FSTL4: variants seen among roughly 807,000 people sequenced by gnomAD.
FSTL4 encodes the protein follistatin-related protein 4.
Under a neutral mutation model 78.2 loss-of-function variants are expected in FSTL4, and 28 were observed. The observed-to-expected ratio is 0.36, with a 90% confidence interval of 0.27 to 0.49. The LOEUF is 0.49. Among genes scored for constraint, FSTL4 ranks in the 20% least tolerant of loss-of-function variants. The pLI, the probability that FSTL4 is intolerant of heterozygous loss-of-function variation, is 0.98. For synonymous variants in FSTL4, 422 were observed against 440.5 expected, an observed-to-expected ratio of 0.96 and a Z score of 0.53; for missense variants, 922 against 1,084.9, an observed-to-expected ratio of 0.85 and a Z score of 2.11.
the FSTL4 span, among the ~76,000 whole-genome samples, chr5:133,744,402 T>C: frequency 1.3e-5 from 2 of 152,208 alleles, no homozygotes; most frequent in Non-Finnish European, 2.9e-5. Flanking sequence ...GCGCCCCATG[T>C]AATCCAGGCT....
At chr5:133,639,663 G>A in the FSTL4 span, among the ~76,000 whole-genome samples, 15 of 152,336 alleles carry the variant, frequency 9.8e-5, no homozygotes, top group African/African-American at 3.4e-4. Context: ...GCCCCATGGT[G>A]GGCAGGGAAG....
chr5:133,524,682 C>T (rs1177919228), intron 3 of FSTL4, among the ~76,000 whole-genome samples: 2 of 152,182 alleles, frequency 1.3e-5, no homozygotes, highest in Admixed American at 6.5e-5. Flanking sequence ...CCCCCCACCC[C>T]GCCCCTGGGT....
intron 3 of FSTL4, among the ~76,000 whole-genome samples, chr5:133,460,231 C>A (rs1356625413): frequency 1.3e-5 from 2 of 152,096 alleles, no homozygotes; most frequent in Admixed American, 6.5e-5. Flanking sequence ...TTGCTTTGTG[C>A]GTTTTGTCCA....
intron 3 of FSTL4, among the ~76,000 whole-genome samples, chr5:133,446,765 C>T (rs926810873): frequency 3.3e-5 from 5 of 152,190 alleles, no homozygotes; most frequent in African/African-American, 4.8e-5. Flanking sequence ...GTCTGCACAC[C>T]GCTGCTCCCT....
At chr5:133,521,630 G>C (rs142715941) in intron 3 of FSTL4, among the ~76,000 whole-genome samples, 407 of 152,210 alleles carry the variant, frequency 2.7e-3, no homozygotes, top group Middle Eastern at 0.01. Context: ...CAGAAGAAAT[G>C]ATTCTCAATA....
At chr5:133,778,308 T>C in the FSTL4 span, among the ~76,000 whole-genome samples, 1 of 152,058 alleles carries the variant, frequency 6.6e-6, no homozygotes, top group Non-Finnish European at 1.5e-5. Flanking sequence ...ACCATCATTC[T>C]TTTTGCCTCA....
intron 2 of FSTL4, among the ~76,000 whole-genome samples, chr5:133,589,571 A>G (rs1760580965): frequency 6.6e-6 from 1 of 152,120 alleles, no homozygotes; most frequent in South Asian, 2.1e-4. Context: ...TGGTGAAAGA[A>G]GAGAAATTGT....
intron 6 of FSTL4, among the ~76,000 whole-genome samples, chr5:133,259,518 C>CT (rs3976227): frequency 0.037 from 4,661 of 126,310 alleles, 297 homozygotes; most frequent in African/African-American, 0.13. Flanking sequence ...ATTTTTTTTT[C>CT]TTTTTTTTTT....
chr5:133,748,262 C>T, the FSTL4 span, among the ~76,000 whole-genome samples: 4 of 151,588 alleles, frequency 2.6e-5, no homozygotes, highest in South Asian at 4.2e-4. Flanking sequence ...CTTGTGAAGT[C>T]GCTGGGAGGA....
At chr5:133,717,531 T>C in the FSTL4 span, among the ~76,000 whole-genome samples, 7 of 152,192 alleles carry the variant, frequency 4.6e-5, no homozygotes, top group African/African-American at 1.7e-4. Context: ...AATCAAAATA[T>C]AGAAAGTCTC....
At chr5:133,517,360 T>G (rs759409429) in intron 3 of FSTL4, among the ~76,000 whole-genome samples, 1 of 132,838 alleles carries the variant, frequency 7.5e-6, no homozygotes, top group Non-Finnish European at 1.6e-5. Flanking sequence ...GAGGTGGAGG[T>G]TGCATTAAGC....
chr5:133,693,944 G>A, the FSTL4 span, among the ~76,000 whole-genome samples: 5 of 152,130 alleles, frequency 3.3e-5, no homozygotes, highest in Admixed American at 3.3e-4. Flanking sequence ...TCCCCATTCA[G>A]TCCATAGACT....
intron 3 of FSTL4, among the ~76,000 whole-genome samples, chr5:133,533,913 A>G (rs1319791867): frequency 1.3e-5 from 2 of 152,082 alleles, no homozygotes; most frequent in Admixed American, 1.3e-4. Context: ...CTCCTGCTGC[A>G]GTGCTCCTCC....
chr5:133,384,590 T>C (rs915657479), intron 4 of FSTL4, among the ~76,000 whole-genome samples: 11 of 152,216 alleles, frequency 7.2e-5, no homozygotes, highest in Admixed American at 1.3e-4. Flanking sequence ...TAAGTGATTC[T>C]CCGGTCTGCC....
chr5:133,748,301 G>A, the FSTL4 span, among the ~76,000 whole-genome samples: 2 of 152,130 alleles, frequency 1.3e-5, no homozygotes, highest in Non-Finnish European at 2.9e-5. Flanking sequence ...CAGGTGTGGT[G>A]GCTCACATCT....
At chr5:133,222,587 G>T (rs1751174904) in intron 11 of FSTL4, among the ~76,000 whole-genome samples, 1 of 152,150 alleles carries the variant, frequency 6.6e-6, no homozygotes, top group African/African-American at 2.4e-5. Context: ...AAGCATAATA[G>T]AGCCCACATG....
chr5:133,384,143 C>T (rs1755643847), intron 4 of FSTL4, among the ~76,000 whole-genome samples: 1 of 152,142 alleles, frequency 6.6e-6, no homozygotes, highest in African/African-American at 2.4e-5. Flanking sequence ...CACCCTCCTG[C>T]GGAACCCCTG....
intron 6 of FSTL4, among the ~76,000 whole-genome samples, chr5:133,305,461 A>C (rs1260488942): frequency 6.6e-6 from 1 of 151,176 alleles, no homozygotes; most frequent in Non-Finnish European, 1.5e-5. Flanking sequence ...CTTTTTCCTC[A>C]CCCTCTGCCT....
At chr5:133,798,586 T>C in the FSTL4 span, among the ~76,000 whole-genome samples, 3 of 151,400 alleles carry the variant, frequency 2.0e-5, no homozygotes, top group African/African-American at 7.3e-5. Flanking sequence ...AGGGACGCCA[T>C]GTACAGGTAC....
Sources: gnomAD v4.1 joint callset for allele counts (sites outside exome capture counted in the v4.1 genomes callset) on GRCh38, gnomAD v4.1.1 for gene constraint, MANE v1.5 for transcripts, NCBI Gene and HGNC (gene_info 2026-07-23, HGNC 2026-07-21) for gene names.